The following KAZN variants were observed in gnomAD, a reference collection of about 807,000 sequenced individuals.
The protein encoded by KAZN is kazrin.
KAZN carries 40 observed loss-of-function variants against 87.4 expected under a neutral mutation model. The observed-to-expected ratio is 0.46, with a 90% confidence interval of 0.36 to 0.60. The LOEUF (loss-of-function observed/expected upper bound fraction) is 0.60. KAZN is among the 20% of genes least tolerant of loss of function. KAZN has a pLI of 0.00. For synonymous variants in KAZN, 466 were observed against 458.3 expected (o/e 1.02, Z -0.22); for missense variants, 898 against 1,073.9 (o/e 0.84, Z 2.29).
intron 1 of KAZN, among the ~76,000 whole-genome samples, chr1:14,782,554 C>CAAAAGAA (rs1645385573): frequency 1.5e-5 from 1 of 66,252 alleles, no homozygotes; most frequent in Non-Finnish European, 2.7e-5. Context: ...CCTCAAAGAG[C>CAAAAGAA]AAAAAAAAAA....
chr1:14,007,972 G>T (rs1363639140), intron 1 of KAZN, among the ~76,000 whole-genome samples: 2 of 152,146 alleles, frequency 1.3e-5, no homozygotes, highest in Non-Finnish European at 2.9e-5. Context: ...TGCCTCATCT[G>T]TAAATAAGAG....
intron 1 of KAZN, among the ~76,000 whole-genome samples, chr1:13,961,484 C>T (rs1279413568): frequency 6.6e-6 from 1 of 152,050 alleles, no homozygotes; most frequent in African/African-American, 2.4e-5. Flanking sequence ...GGCTGGGATG[C>T]CTTGATGATA....
At chr1:14,110,512 C>T (rs753915244) in intron 1 of KAZN, among the ~76,000 whole-genome samples, 3 of 152,218 alleles carry the variant, frequency 2.0e-5, no homozygotes, top group African/African-American at 7.2e-5. Context: ...TTTAGGCACT[C>T]TTATTATCCA....
intron 1 of KAZN, among the ~76,000 whole-genome samples, chr1:14,711,687 T>C (rs1314530219): frequency 6.6e-6 from 1 of 152,208 alleles, no homozygotes; most frequent in East Asian, 1.9e-4. Flanking sequence ...AGTAAGGAAC[T>C]GGGGTGGTCA....
At chr1:13,937,537 C>T (rs797006156) in intron 1 of KAZN, among the ~76,000 whole-genome samples, 2 of 152,260 alleles carry the variant, frequency 1.3e-5, no homozygotes, top group African/African-American at 4.8e-5. Flanking sequence ...AATTAAGTCT[C>T]ATTTGTTTAT....
intron 2 of KAZN, among the ~76,000 whole-genome samples, chr1:14,204,259 G>A (rs1380586522): frequency 6.6e-6 from 1 of 151,984 alleles, no homozygotes; most frequent in South Asian, 2.1e-4. Context: ...ACTTCTTCAC[G>A]ATTATTCTTT....
At position 14,312,572 on chromosome 1, in the gene KAZN, T is replaced by C. The variant is rs1655377532; in HGVS notation, c.249+131980T>C. Among the ~76,000 whole-genome samples, 4 of 152,344 alleles carry C rather than the reference T, an allele frequency of 2.6e-5. No individual in the cohort carries two copies. In the South Asian group the frequency reaches 8.3e-4, roughly 32 times the overall value. On this transcript the variant is annotated intron_variant, in intron 2 of 16. Transcript: ENST00000636203. ...TGCCTGAGCCTGCATTCATTATTTT[T>C]CTAATAAACGTTTTTATTGAAGTAT...
chr1:14,894,823 G>T (rs1025341771), intron 1 of KAZN, among the ~76,000 whole-genome samples: 1 of 152,250 alleles, frequency 6.6e-6, no homozygotes, highest in Non-Finnish European at 1.5e-5. Context: ...CAAGGACGGG[G>T]AAATCAATTC....
chr1:14,094,232 C>T (rs751314263), intron 1 of KAZN, among the ~76,000 whole-genome samples: 5 of 151,088 alleles, frequency 3.3e-5, no homozygotes, highest in South Asian at 2.1e-4. Context: ...CCTTTACTAT[C>T]GTTTTTTTGA....
Position 14,772,136 on chromosome 1 carries a change from C to G in KAZN, c.226+172913C>G, listed in dbSNP as rs191855239. On this transcript the variant is annotated intron_variant, in intron 1 of 14. Coordinates refer to ENST00000376030, the MANE Select transcript of KAZN (RefSeq NM_201628.3). ...AGTCTTTGAATGTTTCCCTTCTCAT[C>G]TTGCATTTGGCATTTTTCTCAATGA... is the stretch of plus-strand genomic sequence containing the variant. 3.4e-3 allele frequency among the ~76,000 whole-genome samples: 517 copies of G among 152,248 alleles called. 2 individuals carry two copies. The highest frequency in any genetic ancestry group is 6.0e-3 in the Non-Finnish European group (408 of 68,026).
chr1:14,430,470 C>T (rs990244562), intron 2 of KAZN, among the ~76,000 whole-genome samples: 1 of 152,154 alleles, frequency 6.6e-6, no homozygotes, highest in African/African-American at 2.4e-5. Flanking sequence ...CACCACCCTG[C>T]CCCTGGGTCC....
intron 1 of KAZN, among the ~76,000 whole-genome samples, chr1:14,012,244 A>G (rs917438715): frequency 6.6e-6 from 1 of 152,246 alleles, no homozygotes; most frequent in African/African-American, 2.4e-5. Flanking sequence ...GAAAATGTTC[A>G]TTAAAGTTAC....
At chr1:14,589,582 T>C (rs1676068044) in intron 2 of KAZN, among the ~76,000 whole-genome samples, 1 of 152,112 alleles carries the variant, frequency 6.6e-6, no homozygotes, top group Non-Finnish European at 1.5e-5. Flanking sequence ...GGCACTTTGG[T>C]GTTGGAATAA....
At chr1:14,260,790 C>T (rs985225441) in intron 2 of KAZN, among the ~76,000 whole-genome samples, 2 of 152,180 alleles carry the variant, frequency 1.3e-5, no homozygotes, top group Admixed American at 6.5e-5. Flanking sequence ...ACACACTTGT[C>T]AGATGGGTAC....
At chr1:14,388,474 G>C (rs1201372412) in intron 2 of KAZN, among the ~76,000 whole-genome samples, 2 of 152,114 alleles carry the variant, frequency 1.3e-5, no homozygotes, top group Non-Finnish European at 2.9e-5. Context: ...AGTTATAGTA[G>C]CCAAAACAGT....
chr1:14,293,296 T>A (rs917380520), intron 2 of KAZN, among the ~76,000 whole-genome samples: 1 of 152,208 alleles, frequency 6.6e-6, no homozygotes, highest in African/African-American at 2.4e-5. Flanking sequence ...CCACCATGAA[T>A]GATGCAAATT....
intron 2 of KAZN, among the ~76,000 whole-genome samples, chr1:14,333,005 A>G (rs917259207): frequency 1.3e-5 from 2 of 152,094 alleles, no homozygotes; most frequent in African/African-American, 2.4e-5. Flanking sequence ...CCCAGCATGC[A>G]TTAGCTATTT....
At chr1:14,552,199 G>A (rs1231010373) in intron 2 of KAZN, among the ~76,000 whole-genome samples, 2 of 152,260 alleles carry the variant, frequency 1.3e-5, no homozygotes, top group East Asian at 1.9e-4. Flanking sequence ...CTGAGAACGG[G>A]CAGCATCTCT....
chr1:13,960,713 A>G (rs924631546), intron 1 of KAZN, among the ~76,000 whole-genome samples: 1 of 152,154 alleles, frequency 6.6e-6, no homozygotes, highest in Admixed American at 6.5e-5. Flanking sequence ...CCAGGACACG[A>G]GGAAGGATAA....
Sources: gnomAD v4.1 joint callset for allele counts (sites outside exome capture counted in the v4.1 genomes callset) on GRCh38, gnomAD v4.1.1 for gene constraint, MANE v1.5 for transcripts, NCBI Gene and HGNC (gene_info 2026-07-23, HGNC 2026-07-21) for gene names.